The following PTK2 variants were observed in gnomAD, a reference collection of about 807,000 sequenced individuals.
PTK2 encodes protein tyrosine kinase 2.
In PTK2, 45 loss-of-function variants were observed where a neutral mutation model predicts 150.1. The observed-to-expected ratio is 0.30, with a 90% confidence interval of 0.24 to 0.38. The LOEUF (loss-of-function observed/expected upper bound fraction) is 0.38, where lower values mean the gene tolerates loss of function less well. PTK2 is among the 10% of genes least tolerant of loss of function. The pLI, the probability that PTK2 is intolerant of heterozygous loss-of-function variation, is 1.00. For synonymous variants in PTK2, 432 were observed against 449.2 expected, an observed-to-expected ratio of 0.96 and a Z score of 0.48; for missense variants, 919 against 1,307.3, an observed-to-expected ratio of 0.70 and a Z score of 4.58.
chr8:140,817,099 G>A (rs895676226), intron 10 of PTK2, among the ~76,000 whole-genome samples: 2 of 152,150 alleles, frequency 1.3e-5, no homozygotes, highest in Non-Finnish European at 2.9e-5. Flanking sequence ...AAAGAAAGGC[G>A]GGGCTTGAAA....
intron 27 of PTK2, among the ~76,000 whole-genome samples, chr8:140,676,867 G>T (rs993955423): frequency 2.7e-5 from 4 of 148,610 alleles, no homozygotes; most frequent in Non-Finnish European, 5.9e-5. Context: ...TGAACCTGGT[G>T]GGGGCGGAAA....
At chr8:140,864,192 T>C in intron 5 of PTK2, 120 bp downstream of exon 5, 1 of 534,540 alleles carries the variant, frequency 1.9e-6, no homozygotes, top group Non-Finnish European at 3.2e-6. Flanking sequence ...CTTATTGCCA[T>C]TCAGCAACAA....
intron 3 of PTK2, among the ~76,000 whole-genome samples, chr8:140,887,752 T>C (rs2100152837): frequency 6.6e-6 from 1 of 152,212 alleles, no homozygotes; most frequent in Admixed American, 6.5e-5. Context: ...ATAGTTCAGT[T>C]AACCTACTAT....
intron 2 of PTK2, among the ~76,000 whole-genome samples, chr8:140,915,218 G>T (rs760968334): frequency 6.3e-4 from 96 of 151,990 alleles, no homozygotes; most frequent in Non-Finnish European, 1.1e-3. Flanking sequence ...AAATAGAAAA[G>T]ACAGAACAGG....
intron 22 of PTK2, among the ~76,000 whole-genome samples, chr8:140,734,445 G>A (rs1376199043): frequency 6.6e-6 from 1 of 152,172 alleles, no homozygotes; most frequent in Non-Finnish European, 1.5e-5. Flanking sequence ...TGGCATTGGG[G>A]CTACAGAAAT....
intron 5 of PTK2, among the ~76,000 whole-genome samples, chr8:140,849,342 G>A (rs1219971459): frequency 6.6e-6 from 1 of 152,184 alleles, no homozygotes; most frequent in Non-Finnish European, 1.5e-5. Flanking sequence ...TCTAGAGAGT[G>A]TTCTCTCAAG....
chr8:140,816,243 C>G (rs2100104659), intron 10 of PTK2, among the ~76,000 whole-genome samples: 1 of 151,724 alleles, frequency 6.6e-6, no homozygotes, highest in Non-Finnish European at 1.5e-5. Flanking sequence ...ACATAAGGCC[C>G]AAAACTATAA....
At chr8:140,927,956 AAGAAAAAAAAAAAAAAAAAAT>A (rs2100170152) in intron 1 of PTK2, among the ~76,000 whole-genome samples, 5 of 85,226 alleles carry the variant, frequency 5.9e-5, no homozygotes, top group Non-Finnish European at 1.1e-4. Context: ...AAAAAAAAAA[AAGAAAAAAAAAAAAAAAAAAT>A]ATATATATAT....
At chr8:140,700,036 AT>A (rs909105202) in intron 26 of PTK2, among the ~76,000 whole-genome samples, 8 of 152,228 alleles carry the variant, frequency 5.3e-5, no homozygotes, top group African/African-American at 1.9e-4. Flanking sequence ...TATAATCTTC[AT>A]TTAACTGTTA....
chr8:140,705,937 C>T (rs1206203240), intron 24 of PTK2, among the ~76,000 whole-genome samples, 182 bp downstream of exon 27: 8 of 152,230 alleles, frequency 5.3e-5, no homozygotes, highest in Admixed American at 6.5e-5. Context: ...GAAAAACAAA[C>T]GCCTTCTGCG....
chr8:140,685,619 C>T (rs965865484), intron 27 of PTK2, among the ~76,000 whole-genome samples: 1 of 152,076 alleles, frequency 6.6e-6, no homozygotes, highest in Non-Finnish European at 1.5e-5. Flanking sequence ...ATAAACATGG[C>T]CAACAAGCAT....
rs6990660 is a variant in PTK2 at position 140,756,933 on chromosome 8, G to C, written c.1332+4232C>G. On this transcript the variant is annotated intron_variant, in intron 16 of 31. Coordinates refer to ENST00000522684, the Ensembl canonical transcript of PTK2. Reference sequence around the variant, plus strand: ...GAACCCGGGAGGCGGAGCTTGCAGTGAGCTGACATGGCGCCACTGCACTCT... The same window carrying C: ...GAACCCGGGAGGCGGAGCTTGCAGTCAGCTGACATGGCGCCACTGCACTCT... Among the ~76,000 whole-genome samples the C allele has an allele frequency of 5.6e-3, 845 of 151,394 alleles. 7 individuals are homozygous for C. Among genetic ancestry groups the C allele is most frequent in the African/African-American group, 0.02 (806 of 41,180 alleles).
chr8:140,846,454 C>A, intron 6 of PTK2, 132 bp from the exon 7 acceptor site: 1 of 1,163,490 alleles, frequency 8.6e-7, no homozygotes, highest in Non-Finnish European at 1.3e-6. Context: ...TACTTTTGCA[C>A]CAAACCAATA....
intron 26 of PTK2, among the ~76,000 whole-genome samples, chr8:140,692,116 T>C (rs1564465869): frequency 6.6e-6 from 1 of 152,176 alleles, no homozygotes; most frequent in East Asian, 1.9e-4. Context: ...CTTTAATGCA[T>C]AATTCCCTAA....
At chr8:140,924,070 C>T (rs1603240568) in intron 2 of PTK2, among the ~76,000 whole-genome samples, 2 of 152,270 alleles carry the variant, frequency 1.3e-5, no homozygotes, top group East Asian at 1.9e-4. Flanking sequence ...TAAGGCCGTG[C>T]GTGATATGGC....
At position 140,669,747 on chromosome 8, in the gene PTK2, C is replaced by T. The variant is rs751431311; in HGVS notation, c.2710-1323G>A. 22 of 1,531,712 alleles carry T rather than the reference C, an allele frequency of 1.4e-5. No homozygotes were observed. The highest frequency in any genetic ancestry group is 6.9e-5 in the African/African-American group (5 of 72,528). 94.9% of individuals were successfully genotyped at this position (1,531,712 alleles called of 1,614,324 possible). The stretch of plus-strand genomic sequence containing the variant: ...CTTACCCTCCATGGCTATTGTCGAA[C>T]GGAAGGTGAGGAAAAGTTAAAGGAA... On this transcript the variant is annotated intron_variant, in intron 29 of 31. Transcript: ENST00000522684.
At chr8:140,976,993 G>A (rs2100189478) in intron 1 of PTK2, among the ~76,000 whole-genome samples, 1 of 152,172 alleles carries the variant, frequency 6.6e-6, no homozygotes, top group Admixed American at 6.5e-5. Context: ...TCATTTGTTT[G>A]TAATTTATCA....
intron 14 of PTK2, among the ~76,000 whole-genome samples, chr8:140,782,941 G>A (rs941792489): frequency 6.6e-6 from 1 of 152,054 alleles, no homozygotes; most frequent in Non-Finnish European, 1.5e-5. Context: ...TCAAGCTTTA[G>A]AAATGAGTCA....
chr8:140,935,836 A>G (rs903392893), intron 1 of PTK2, among the ~76,000 whole-genome samples: 1 of 151,148 alleles, frequency 6.6e-6, no homozygotes, highest in Non-Finnish European at 1.5e-5. Context: ...ACACCTGGCT[A>G]ATTTTTTGTA....
Sources: gnomAD v4.1 joint callset for allele counts (sites outside exome capture counted in the v4.1 genomes callset) on GRCh38, gnomAD v4.1.1 for gene constraint, MANE v1.5 for transcripts, NCBI Gene and HGNC (gene_info 2026-07-23, HGNC 2026-07-21) for gene names.